The following EFCAB6 variants were observed in gnomAD, a reference collection of about 807,000 sequenced individuals.
EFCAB6 encodes the protein EF-hand calcium-binding domain-containing protein 6.
A neutral mutation model predicts 169.8 loss-of-function variants in EFCAB6; 156 were observed. The observed-to-expected ratio is 0.92, with a 90% confidence interval of 0.81 to 1.05. The LOEUF (loss-of-function observed/expected upper bound fraction) is 1.05, where lower values mean the gene tolerates loss of function less well. EFCAB6 is among the 50% of genes least tolerant of loss of function. EFCAB6 has a pLI of 0.00. For missense variants in EFCAB6, 1,800 were observed against 1,829.1 expected, an observed-to-expected ratio of 0.98 and a Z score of 0.29; for synonymous variants, 698 against 676.4, an observed-to-expected ratio of 1.03 and a Z score of -0.50.
At chr22:43,778,057 G>A (rs982284931) in intron 3 of EFCAB6, among the ~76,000 whole-genome samples, 3 of 152,150 alleles carry the variant, frequency 2.0e-5, no homozygotes, top group Non-Finnish European at 4.4e-5. Flanking sequence ...CCAGAGATCT[G>A]AGGATGCAAA....
intron 20 of EFCAB6, among the ~76,000 whole-genome samples, chr22:43,623,723 G>T (rs541902143): frequency 2.2e-5 from 3 of 133,886 alleles, no homozygotes; most frequent in East Asian, 4.2e-4. Flanking sequence ...GTGAAACCCC[G>T]TCTCTACTAA....
chr22:43,811,341 A>C (rs1464015491), intron 1 of EFCAB6, among the ~76,000 whole-genome samples: 1 of 96,416 alleles, frequency 1.0e-5, no homozygotes, highest in Non-Finnish European at 1.9e-5. Context: ...GGGAGGAGAG[A>C]GGAGGGGAGG....
At chr22:43,737,385 CAT>C (rs1008298855) in intron 6 of EFCAB6, among the ~76,000 whole-genome samples, 4 of 150,924 alleles carry the variant, frequency 2.7e-5, no homozygotes, top group African/African-American at 9.8e-5. Flanking sequence ...ATCACTCACA[CAT>C]ATATTCACAC....
At chr22:43,599,199 G>A (rs1415565511) in intron 23 of EFCAB6, among the ~76,000 whole-genome samples, 5 of 152,194 alleles carry the variant, frequency 3.3e-5, no homozygotes, top group East Asian at 3.9e-4. Context: ...TGCTAAGCCA[G>A]TGCACTAATT....
intron 27 of EFCAB6, among the ~76,000 whole-genome samples, chr22:43,551,425 G>A (rs190207272): frequency 3.0e-4 from 45 of 152,342 alleles, no homozygotes; most frequent in African/African-American, 8.2e-4. Flanking sequence ...ACTTTAGCAC[G>A]AACCTAATAT....
At chr22:43,587,195 C>G (rs2051134332) in intron 24 of EFCAB6, among the ~76,000 whole-genome samples, 1 of 152,162 alleles carries the variant, frequency 6.6e-6, no homozygotes, top group African/African-American at 2.4e-5. Context: ...GTGCCTGTCC[C>G]TCCCAACCCT....
Position 43,703,716 on chromosome 22 carries a change from G to GAA in EFCAB6, c.1031+7757_1031+7758dup, listed in dbSNP as rs113204539. On this transcript the variant is annotated intron_variant, in intron 10 of 31. Transcript: ENST00000262726. ...AGATGAAGAATACAATAACTGAACT[G>GAA]AAAAAAAAAATGCAACCAAAAGCTT... Among the ~76,000 whole-genome samples the GAA allele has an allele frequency of 5.5e-5, 8 of 146,546 alleles. No homozygotes were observed. The East Asian group carries it at 1.0e-3, about 18-fold the overall frequency.
At chr22:43,708,347 G>A (rs1044830851) in intron 10 of EFCAB6, among the ~76,000 whole-genome samples, 5 of 151,892 alleles carry the variant, frequency 3.3e-5, no homozygotes, top group African/African-American at 9.7e-5. Context: ...GAGAGGCTGC[G>A]GTGAGCTGAG....
rs371827378 is a variant in EFCAB6 at position 43,729,178 on chromosome 22, G to A, written c.757+2521C>T. The stretch of plus-strand genomic sequence containing the variant: ...GAACCCACTCATTACCATGGGGAGG[G>A]CACCAAGCTATTTATGAGGAATCTA... On this transcript the variant is annotated intron_variant, in intron 8 of 31. Transcript: ENST00000262726. 6.6e-5 allele frequency among the ~76,000 whole-genome samples: 10 copies of A among 152,286 alleles called. No individual in the cohort carries two copies. The East Asian group carries it at 1.9e-3, about 29-fold the overall frequency.
At chr22:43,664,837 T>C (rs2057170921) in intron 17 of EFCAB6, among the ~76,000 whole-genome samples, 2 of 152,134 alleles carry the variant, frequency 1.3e-5, no homozygotes, top group African/African-American at 4.8e-5. Flanking sequence ...GAGCCCTCGG[T>C]GGGTTCCACT....
At chr22:43,679,162 C>T (rs999857632) in intron 12 of EFCAB6, among the ~76,000 whole-genome samples, 1 of 152,200 alleles carries the variant, frequency 6.6e-6, no homozygotes, top group African/African-American at 2.4e-5. Context: ...CTCCCCATTT[C>T]TTGCCCCAGC....
chr22:43,794,811 C>A (rs533678108), intron 2 of EFCAB6, among the ~76,000 whole-genome samples: 1 of 152,344 alleles, frequency 6.6e-6, no homozygotes, highest in East Asian at 1.9e-4. Context: ...ACTCTACTGG[C>A]AACCCCTAGT....
chr22:43,629,899 G>A (rs1202778291), intron 19 of EFCAB6, among the ~76,000 whole-genome samples: 1 of 152,172 alleles, frequency 6.6e-6, no homozygotes, highest in Non-Finnish European at 1.5e-5. Context: ...AATCCTGCGA[G>A]GGCCAGGAGT....
chr22:43,600,696 C>T (rs186659526), intron 22 of EFCAB6, among the ~76,000 whole-genome samples: 6 of 152,242 alleles, frequency 3.9e-5, no homozygotes, highest in Non-Finnish European at 8.8e-5. Context: ...CAGAGTCTCA[C>T]TCTGTGGCCC....
chr22:43,689,967 A>C (rs948886744), intron 10 of EFCAB6, among the ~76,000 whole-genome samples: 1 of 152,222 alleles, frequency 6.6e-6, no homozygotes, highest in African/African-American at 2.4e-5. Context: ...AATCCAATTG[A>C]GTAAATTTAA....
At chr22:43,730,036 T>C (rs2059880808) in intron 8 of EFCAB6, among the ~76,000 whole-genome samples, 1 of 150,060 alleles carries the variant, frequency 6.7e-6, no homozygotes, top group East Asian at 2.0e-4. Context: ...TGGTGGTGCA[T>C]GCCTGTGGTC....
rs774985547 is a variant in EFCAB6, at chr22:43,670,886, G to A, written c.1640+1087C>T. 2.6e-5 allele frequency among the ~76,000 whole-genome samples: 4 copies of A among 152,264 alleles called. No homozygotes were observed. The East Asian group carries it at 5.8e-4, about 22-fold the overall frequency. ...GACCAGCAGCAGCAGCAGCAGCAGC[G>A]GCAGCAACAAACACTGGCTGAGACC... On this transcript the variant is annotated intron_variant, in intron 15 of 31. Coordinates refer to ENST00000262726, the MANE Select transcript of EFCAB6 (RefSeq NM_022785.4).
intron 21 of EFCAB6, among the ~76,000 whole-genome samples, chr22:43,611,036 G>A (rs909772898): frequency 5.3e-5 from 8 of 152,140 alleles, no homozygotes; most frequent in African/African-American, 1.9e-4. Context: ...TAGAAGTGGA[G>A]GGAATAATTC....
intron 17 of EFCAB6, among the ~76,000 whole-genome samples, chr22:43,654,593 A>G (rs1348196526): frequency 1.3e-5 from 2 of 152,254 alleles, no homozygotes; most frequent in African/African-American, 2.4e-5. Flanking sequence ...TGCTCCACAA[A>G]ATATCTGATC....
Sources: allele counts gnomAD v4.1 joint callset (sites outside exome capture counted in the v4.1 genomes callset), GRCh38; gene constraint gnomAD v4.1.1; transcripts MANE v1.5; gene names NCBI Gene and HGNC (gene_info 2026-07-23, HGNC 2026-07-21).